Variants in ARHGAP22 observed in about 807,000 individuals in gnomAD.
ARHGAP22 encodes the protein rho GTPase-activating protein 22.
A neutral mutation model predicts 59.1 loss-of-function variants in ARHGAP22; 48 were observed. The ratio of observed to expected loss-of-function variants is 0.81; its 90% CI spans 0.64 to 1.03. ARHGAP22 has a LOEUF of 1.03. Ranked by LOEUF, ARHGAP22 falls within the 50% of genes least tolerant of loss-of-function variation. The pLI is 0.00. For synonymous variants in ARHGAP22, 445 were observed against 416.4 expected (o/e 1.07, Z -0.84); for missense variants, 1,015 against 958.7 (o/e 1.06, Z -0.78).
chr10:48,602,199 T>A (rs1186850919), intron 1 of ARHGAP22, among the ~76,000 whole-genome samples: 1 of 152,172 alleles, frequency 6.6e-6, no homozygotes, highest in Non-Finnish European at 1.5e-5. Context: ...TGAAGGTACT[T>A]CATCATATTA....
intron 3 of ARHGAP22, among the ~76,000 whole-genome samples, chr10:48,496,210 C>A (rs951482475): frequency 6.6e-6 from 1 of 152,166 alleles, no homozygotes; most frequent in African/African-American, 2.4e-5. Context: ...AAAACATAGC[C>A]TGAAGCACAA....
chr10:48,435,052 G>GCT, the ARHGAP22 span: 6 of 1,412,456 alleles, frequency 4.2e-6, no homozygotes, highest in Non-Finnish European at 5.8e-6. Context: ...TCGGGGGGTG[G>GCT]GAGGGATGGG....
chr10:48,549,444 T>C (rs2056725468), intron 3 of ARHGAP22, among the ~76,000 whole-genome samples: 1 of 152,170 alleles, frequency 6.6e-6, no homozygotes, highest in African/African-American at 2.4e-5. Context: ...TGGAGCCTGC[T>C]TTCCTGGTGG....
At chr10:48,486,866 G>A (rs1299027108) in intron 3 of ARHGAP22, among the ~76,000 whole-genome samples, 1 of 152,192 alleles carries the variant, frequency 6.6e-6, no homozygotes, top group Non-Finnish European at 1.5e-5. Flanking sequence ...ACTGGATAAA[G>A]TCTTCAAGGT....
At chr10:48,525,249 A>G (rs944584122) in intron 3 of ARHGAP22, among the ~76,000 whole-genome samples, 25 of 152,302 alleles carry the variant, frequency 1.6e-4, no homozygotes, top group Non-Finnish European at 3.5e-4. Flanking sequence ...GTGATTGCAA[A>G]AAGTTGGAAC....
chr10:48,588,527 G>T (rs900204223), intron 1 of ARHGAP22, among the ~76,000 whole-genome samples: 1 of 152,122 alleles, frequency 6.6e-6, no homozygotes, highest in Non-Finnish European at 1.5e-5. Flanking sequence ...AACAGCTCTG[G>T]CATTCTAAGT....
chr10:48,459,595 C>T (rs2046939350), intron 5 of ARHGAP22, 89 bp downstream of exon 5: 4 of 1,455,662 alleles, frequency 2.7e-6, no homozygotes, highest in Non-Finnish European at 3.8e-6. Flanking sequence ...GCTAGCCCAC[C>T]CCTGCCCACT....
intron 5 of ARHGAP22, among the ~76,000 whole-genome samples, chr10:48,456,685 T>A (rs1484906822): frequency 6.6e-6 from 1 of 151,842 alleles, no homozygotes; most frequent in Non-Finnish European, 1.5e-5. Context: ...CCTGGGTGAG[T>A]GGACACAGAG....
chr10:48,628,557 A>G (rs2061525436), intron 1 of ARHGAP22, among the ~76,000 whole-genome samples: 1 of 151,930 alleles, frequency 6.6e-6, no homozygotes, highest in Non-Finnish European at 1.5e-5. Flanking sequence ...TGTTGGCTCT[A>G]CCCTACCACC....
intron 1 of ARHGAP22, among the ~76,000 whole-genome samples, chr10:48,628,087 G>A (rs2061510495): frequency 6.6e-6 from 1 of 152,328 alleles, no homozygotes; most frequent in Admixed American, 6.5e-5. Flanking sequence ...TCTCTTCCTT[G>A]CAGTGGGTGA....
intron 2 of ARHGAP22, among the ~76,000 whole-genome samples, chr10:48,562,158 A>C (rs970646688): frequency 1.3e-5 from 2 of 151,924 alleles, no homozygotes; most frequent in East Asian, 3.9e-4. Context: ...CCCGGGAGGC[A>C]GAGGTTGCAG....
chr10:48,596,039 T>C (rs1374466718), intron 1 of ARHGAP22, among the ~76,000 whole-genome samples: 3 of 152,096 alleles, frequency 2.0e-5, no homozygotes, highest in Non-Finnish European at 4.4e-5. Context: ...TTTTTTTTCA[T>C]AGTGAATACT....
intron 1 of ARHGAP22, among the ~76,000 whole-genome samples, chr10:48,586,521 A>G (rs930366720): frequency 6.6e-6 from 1 of 152,228 alleles, no homozygotes; most frequent in African/African-American, 2.4e-5. Flanking sequence ...GTGAGGTCAC[A>G]GGGCAGAGAA....
intron 2 of ARHGAP22, among the ~76,000 whole-genome samples, chr10:48,578,181 G>T (rs539078784): frequency 6.6e-6 from 1 of 152,132 alleles, no homozygotes; most frequent in South Asian, 2.1e-4. Context: ...CTCATTTCCA[G>T]AGATATCTAG....
chr10:48,560,090 A>C (rs1373252114), intron 2 of ARHGAP22, among the ~76,000 whole-genome samples: 1 of 152,218 alleles, frequency 6.6e-6, no homozygotes, highest in Non-Finnish European at 1.5e-5. Context: ...TTGCAGATAG[A>C]ATTAAGTTTG....
At chr10:48,554,045 A>G (rs1160276142) in intron 3 of ARHGAP22, among the ~76,000 whole-genome samples, 1 of 151,910 alleles carries the variant, frequency 6.6e-6, no homozygotes, top group Non-Finnish European at 1.5e-5. Flanking sequence ...TCTGTTTTCT[A>G]CTCCATACCC....
intron 5 of ARHGAP22, among the ~76,000 whole-genome samples, chr10:48,455,459 T>G (rs1239417807): frequency 3.3e-5 from 5 of 152,198 alleles, no homozygotes; most frequent in Non-Finnish European, 7.4e-5. Context: ...CTGCGTAGAC[T>G]GCGTAGGACT....
intron 3 of ARHGAP22, among the ~76,000 whole-genome samples, chr10:48,518,261 G>C (rs2053485915): frequency 6.6e-6 from 1 of 152,162 alleles, no homozygotes; most frequent in Non-Finnish European, 1.5e-5. Context: ...TGCCTTCAAA[G>C]TCAAGTCAGA....
Position 48,594,126 on chromosome 10 carries a change from C to T in ARHGAP22, c.34+10637G>A, listed in dbSNP as rs74956900. Among the ~76,000 whole-genome samples the T allele has an allele frequency of 4.7e-3, 716 of 152,328 alleles. 7 individuals carry two copies. The highest frequency in any genetic ancestry group is 0.024 in the Middle Eastern group (7 of 294). On this transcript the variant is annotated intron_variant, in intron 1 of 9. Coordinates refer to ENST00000249601, the MANE Select transcript of ARHGAP22 (RefSeq NM_021226.4). ...GTATTTATCTGAGACAAGCATCACA[C>T]TAGGCTCTGGACCACAGCAAGCAAG...
Sources: gnomAD v4.1 joint callset for allele counts (sites outside exome capture counted in the v4.1 genomes callset) on GRCh38, gnomAD v4.1.1 for gene constraint, MANE v1.5 for transcripts, NCBI Gene and HGNC (gene_info 2026-07-23, HGNC 2026-07-21) for gene names.